Variants in MPPE1 observed in about 807,000 individuals in gnomAD.
The protein encoded by MPPE1 is metallo phosphoesterase.
A neutral mutation model predicts 43.8 loss-of-function variants in MPPE1; 28 were observed. The observed-to-expected ratio is 0.64, with a 90% confidence interval of 0.47 to 0.88. The LOEUF is 0.88. Among genes scored for constraint, MPPE1 ranks in the 40% least tolerant of loss-of-function variants. MPPE1 has a pLI of 0.00. For synonymous variants in MPPE1, 159 were observed against 188.5 expected (o/e 0.84, Z 1.28); for missense variants, 428 against 492.2 (o/e 0.87, Z 1.23).
At chr18:11,893,963 T>C (rs2038286152) in intron 3 of MPPE1, among the ~76,000 whole-genome samples, 1 of 152,208 alleles carries the variant, frequency 6.6e-6, no homozygotes, top group Admixed American at 6.5e-5. Flanking sequence ...TCTAGCTTAA[T>C]TTTAGCTTCT....
intron 1 of MPPE1, among the ~76,000 whole-genome samples, chr18:11,907,546 G>T (rs183529903): frequency 6.6e-6 from 1 of 151,946 alleles, no homozygotes; most frequent in African/African-American, 2.4e-5. Context: ...TTTGTCAACC[G>T]CAGGCTGCGT....
intron 4 of MPPE1, chr18:11,893,140 T>A (rs948103412): frequency 3.3e-5 from 8 of 242,712 alleles, no homozygotes; most frequent in African/African-American, 1.8e-4. Flanking sequence ...ACAACTGAAA[T>A]AACATCTATC....
chr18:11,904,965 G>T (rs960214005), intron 2 of MPPE1, among the ~76,000 whole-genome samples: 4 of 151,182 alleles, frequency 2.6e-5, no homozygotes, highest in African/African-American at 9.7e-5. Context: ...GAAAAAAAAA[G>T]ATAACAGAAC....
intron 3 of MPPE1, among the ~76,000 whole-genome samples, chr18:11,894,431 CAAAAAAAAAA>C (rs66687820): frequency 3.1e-5 from 2 of 65,164 alleles, no homozygotes; most frequent in Non-Finnish European, 6.1e-5. Context: ...GACTCCATCT[CAAAAAAAAAA>C]AAAAAAAAAA....
At chr18:11,893,765 T>C (rs2277729) in intron 3 of MPPE1, among the ~76,000 whole-genome samples, 189 bp from the exon 4 acceptor site, 31,532 of 152,018 alleles carry the variant, frequency 0.21, 3,468 homozygotes, top group East Asian at 0.43. Context: ...GGGAATTAAG[T>C]ATCAGAGAAG....
At position 11,889,493 on chromosome 18, in the gene MPPE1, G is replaced by A. The variant is rs2037721163; in HGVS notation, c.391-3C>T. 7 of 1,606,042 alleles carry A rather than the reference G, an allele frequency of 4.4e-6. No individual in the cohort carries two copies. Among genetic ancestry groups the A allele is most frequent in the Middle Eastern group, 1.7e-4 (1 of 6,022 alleles). On this transcript the variant is annotated splice_region_variant and splice_polypyrimidine_tract_variant and intron_variant, in intron 4 of 10. Coordinates refer to ENST00000588072, the MANE Select transcript of MPPE1 (RefSeq NM_023075.6). ...CGCTCCACATCATCCGCCCAGGCCTGAGGGAAAAAGAATCACTGCTGAGAG... is the reference window on the plus strand; with the variant it reads ...CGCTCCACATCATCCGCCCAGGCCTAAGGGAAAAAGAATCACTGCTGAGAG...
intron 1 of MPPE1, among the ~76,000 whole-genome samples, chr18:11,906,880 T>TTG (rs2039774378): frequency 6.6e-6 from 1 of 151,928 alleles, no homozygotes; most frequent in Non-Finnish European, 1.5e-5. Context: ...AAATTTATCT[T>TTG]TGAACTTTTC....
chr18:11,887,251 C>G (rs1207407280), intron 6 of MPPE1, among the ~76,000 whole-genome samples: 1 of 152,256 alleles, frequency 6.6e-6, no homozygotes, highest in Middle Eastern at 3.4e-3. Flanking sequence ...GTTTTTGACC[C>G]TAAACTTGTG....
At chr18:11,895,530 T>C (rs1403696494) in intron 3 of MPPE1, among the ~76,000 whole-genome samples, 1 of 141,910 alleles carries the variant, frequency 7.0e-6, no homozygotes, top group Non-Finnish European at 1.5e-5. Flanking sequence ...TCCGTTTTTC[T>C]TATTTTATTT....
chr18:11,900,702 TC>T (rs2039067361), intron 2 of MPPE1, among the ~76,000 whole-genome samples: 1 of 151,752 alleles, frequency 6.6e-6, no homozygotes, highest in South Asian at 2.1e-4. Flanking sequence ...GGTCAGGAGA[TC>T]GAGACCATCC....
At chr18:11,893,981 G>A (rs533727352) in intron 3 of MPPE1, among the ~76,000 whole-genome samples, 1 of 152,286 alleles carries the variant, frequency 6.6e-6, no homozygotes, top group Non-Finnish European at 1.5e-5. Context: ...TCTTATTAAA[G>A]GGACTTCAAC....
In MPPE1 at chr18:11,883,590, T is replaced by A. The variant is rs942435478; in HGVS notation, c.*855A>T. On this transcript the variant is annotated 3_prime_UTR_variant, in exon 11 of 11. Transcript: ENST00000588072. ...CATTAACAGATGTAGCAACGTGGTCTCCTATAGAGAAAATTACACTTATCT... is the reference window on the plus strand; with the variant it reads ...CATTAACAGATGTAGCAACGTGGTCACCTATAGAGAAAATTACACTTATCT... The A allele has an allele frequency of 1.3e-5, 2 of 153,622 alleles. No individual in the cohort carries two copies. Among genetic ancestry groups the A allele is most frequent in the African/African-American group, 4.8e-5 (2 of 41,468 alleles). The allele number at this position is 153,622 out of a possible 1,614,324, so 9.5% of individuals were successfully genotyped here. A position where few individuals can be genotyped will look rare whatever the true frequency, so the allele number is the denominator to read the frequency against.
At chr18:11,899,170 T>C (rs8094334) in intron 2 of MPPE1, among the ~76,000 whole-genome samples, 38,976 of 150,460 alleles carry the variant, frequency 0.26, 7,208 homozygotes, top group African/African-American at 0.54. Context: ...CCGCCTCAGC[T>C]TCCCAAAGTG....
At chr18:11,897,546 C>G (rs2038730588) in intron 2 of MPPE1, 190 bp from the exon 3 acceptor site, 1 of 346,832 alleles carries the variant, frequency 2.9e-6, no homozygotes, top group Middle Eastern at 8.3e-4. Context: ...CCTTCAAGCT[C>G]TCCATACCTC....
rs2036881419 is a variant in MPPE1 at position 11,884,513 on chromosome 18, G to T, written c.1123C>A (p.His375Asn). 3 of 1,614,012 alleles carry T rather than the reference G, an allele frequency of 1.9e-6. No homozygotes were observed. Among genetic ancestry groups the T allele is most frequent in the Non-Finnish European group, 2.5e-6 (3 of 1,180,036 alleles). ...AAAGGTGAGGCTAGAAGCCCAAAGT[G>T]AGTGAGTGTGAGGACCACAAGGAAG... ...VGFLVVLTLTHFGLLASPFLS... is the reference protein window; with the variant it reads ...VGFLVVLTLTNFGLLASPFLS... The change falls in exon 11 of 11, where the codon CAC becomes AAC. Residue 375 changes from histidine (H) to asparagine (N), a missense_variant. Physicochemically the swap from His to Asn is moderately conservative, Grantham distance 68. Around this residue, in one of 3 missense-constraint regions of MPPE1, gnomAD observed 379 missense variants for 402.5 expected, o/e 0.94. Transcript: ENST00000588072.
chr18:11,903,588 C>CTT (rs2039407476), intron 2 of MPPE1, among the ~76,000 whole-genome samples: 1 of 152,128 alleles, frequency 6.6e-6, no homozygotes, highest in Admixed American at 6.6e-5. Flanking sequence ...GGGCGGATCA[C>CTT]AAGGTTAGGA....
intron 2 of MPPE1, among the ~76,000 whole-genome samples, chr18:11,904,307 TTTTATTTA>T (rs1019731979): frequency 6.6e-5 from 10 of 150,514 alleles, no homozygotes; most frequent in Non-Finnish European, 1.0e-4. Context: ...ACATAATCTT[TTTTATTTA>T]TTTATTTATT....
rs1331775901 is a variant in MPPE1 at position 11,886,858 on chromosome 18, C to T, written c.678+59G>A. ...AAGAAGCGCTAGGGGGCTGAGTGAG[C>T]AACCGAAGCGGAGCAACACGGGACA... On this transcript the variant is annotated intron_variant, in intron 7 of 10. Transcript: ENST00000588072. The surrounding 1 kb of genome is among the most constrained non-coding windows in gnomAD (Gnocchi z 4.1). 16 of 1,593,618 alleles carry T rather than the reference C, an allele frequency of 1.0e-5. No individual in the cohort carries two copies. In the South Asian group the frequency reaches 1.3e-4, roughly 13 times the overall value.
chr18:11,892,156 A>C (rs1169649590), intron 4 of MPPE1, among the ~76,000 whole-genome samples: 5 of 151,724 alleles, frequency 3.3e-5, no homozygotes, highest in Non-Finnish European at 4.4e-5. Context: ...CCTGGGCAAC[A>C]CAGTGAAACC....
Sources: gnomAD v4.1 joint callset for allele counts (sites outside exome capture counted in the v4.1 genomes callset) on GRCh38, gnomAD v4.1.1 for gene constraint, gnomAD v4.1.1 regional missense constraint, Gnocchi (gnomAD v3.1) non-coding constraint, MANE v1.5 for transcripts, NCBI Gene and HGNC (gene_info 2026-07-23, HGNC 2026-07-21) for gene names.